Variants in TTC29 observed in about 807,000 individuals in gnomAD.
The protein encoded by TTC29 is tetratricopeptide repeat domain 29, also known as tetratricopeptide repeat protein 29.
Under a neutral mutation model 58.1 loss-of-function variants are expected in TTC29, and 49 were observed. The observed-to-expected ratio is 0.84, with a 90% CI of 0.67 to 1.07. The LOEUF is 1.07. Among genes scored for constraint, TTC29 ranks in the 50% least tolerant of loss-of-function variants. The pLI is 0.00. For missense variants in TTC29, 582 were observed against 555.6 expected (o/e 1.05, Z -0.48); for synonymous variants, 209 against 196.8 (o/e 1.06, Z -0.52).
At chr4:146,723,583 A>C (rs561190005) in intron 11 of TTC29, among the ~76,000 whole-genome samples, 1 of 152,336 alleles carries the variant, frequency 6.6e-6, no homozygotes, top group South Asian at 2.1e-4. Flanking sequence ...ATGAACAGAC[A>C]CTTCTCAAAA....
At chr4:146,897,463 C>T (rs1732843196) in intron 6 of TTC29, among the ~76,000 whole-genome samples, 1 of 152,230 alleles carries the variant, frequency 6.6e-6, no homozygotes, top group Non-Finnish European at 1.5e-5. Context: ...GTAAATCTTA[C>T]TATTTGTATG....
intron 11 of TTC29, among the ~76,000 whole-genome samples, chr4:146,787,889 T>C (rs1283540503): frequency 9.9e-6 from 1 of 101,522 alleles, no homozygotes; most frequent in Non-Finnish European, 1.8e-5. Flanking sequence ...CAGCTGCCAA[T>C]CTGCCCCCTT....
At chr4:146,871,847 A>T (rs1730951192) in intron 7 of TTC29, among the ~76,000 whole-genome samples, 1 of 152,046 alleles carries the variant, frequency 6.6e-6, no homozygotes, top group Admixed American at 6.6e-5. Context: ...TGACAGATTC[A>T]ATGCAATTCC....
Position 146,834,606 on chromosome 4 carries a change from C to T in TTC29, c.886-709G>A, listed in dbSNP as rs376281457. Among the ~76,000 whole-genome samples the T allele has an allele frequency of 1.5e-3, 222 of 152,268 alleles. 5 individuals carry two copies. In the South Asian group the frequency reaches 0.045, roughly 31 times the overall value. On this transcript the variant is annotated intron_variant, in intron 8 of 12. Coordinates refer to ENST00000325106, the MANE Select transcript of TTC29 (RefSeq NM_031956.4). The stretch of plus-strand genomic sequence containing the variant: ...ATTCTTCCTTTTTCCTTCATTATTA[C>T]TTGACCCAACCTATTACACACATGA...
At chr4:146,779,050 C>T (rs185905406) in intron 11 of TTC29, among the ~76,000 whole-genome samples, 90 of 125,630 alleles carry the variant, frequency 7.2e-4, no homozygotes, top group African/African-American at 2.5e-3. Context: ...ACGGGCTAGA[C>T]AACAACAGCT....
At chr4:146,938,553 T>C (rs1736064120) in intron 3 of TTC29, among the ~76,000 whole-genome samples, 1 of 152,142 alleles carries the variant, frequency 6.6e-6, no homozygotes, top group South Asian at 2.1e-4. Flanking sequence ...TATTTTACAT[T>C]ATTCAAAAGT....
At chr4:146,811,385 CTCTT>C (rs1387623677) in intron 10 of TTC29, among the ~76,000 whole-genome samples, 2 of 152,158 alleles carry the variant, frequency 1.3e-5, no homozygotes, top group African/African-American at 2.4e-5. Context: ...TCATGAAAAT[CTCTT>C]TCTAAGAGGA....
intron 6 of TTC29, among the ~76,000 whole-genome samples, chr4:146,892,555 T>C (rs993061456): frequency 6.6e-6 from 1 of 152,190 alleles, no homozygotes; most frequent in African/African-American, 2.4e-5. Context: ...GAGCTATCTA[T>C]GACAAACCCA....
chr4:146,932,498 A>G (rs532811286), intron 4 of TTC29, among the ~76,000 whole-genome samples: 1 of 152,322 alleles, frequency 6.6e-6, no homozygotes, highest in East Asian at 1.9e-4. Context: ...AACTTCCAAT[A>G]AAGAATTATG....
intron 11 of TTC29, among the ~76,000 whole-genome samples, chr4:146,782,431 A>T (rs1748690803): frequency 1.3e-5 from 2 of 151,972 alleles, no homozygotes; most frequent in Admixed American, 1.3e-4. Flanking sequence ...GAATAGCAAG[A>T]TAAAATGATT....
intron 11 of TTC29, among the ~76,000 whole-genome samples, chr4:146,753,284 A>C (rs894087886): frequency 1.3e-5 from 2 of 152,246 alleles, no homozygotes; most frequent in African/African-American, 4.8e-5. Context: ...TTATGCAGCC[A>C]AAAAACACAT....
chr4:146,748,888 C>T (rs962046608), intron 11 of TTC29, among the ~76,000 whole-genome samples: 1 of 152,130 alleles, frequency 6.6e-6, no homozygotes, highest in Non-Finnish European at 1.5e-5. Flanking sequence ...TAACTGACCC[C>T]CCCGCAAAAT....
intron 11 of TTC29, among the ~76,000 whole-genome samples, chr4:146,740,089 G>A (rs1315946820): frequency 2.0e-5 from 3 of 152,170 alleles, no homozygotes; most frequent in African/African-American, 4.8e-5. Context: ...ATGATTATGA[G>A]AAGCAGAGGC....
intron 11 of TTC29, among the ~76,000 whole-genome samples, chr4:146,766,618 C>T (rs557566374): frequency 3.3e-5 from 5 of 152,022 alleles, no homozygotes; most frequent in Admixed American, 6.6e-5. Flanking sequence ...CTATTAGTCT[C>T]ATTATTGCTA....
intron 11 of TTC29, among the ~76,000 whole-genome samples, chr4:146,802,252 G>A (rs2150117553): frequency 6.6e-6 from 1 of 152,226 alleles, no homozygotes; most frequent in African/African-American, 2.4e-5. Flanking sequence ...CAGAAAATAT[G>A]CGAACCTGAA....
intron 4 of TTC29, among the ~76,000 whole-genome samples, chr4:146,928,010 C>A (rs989212388): frequency 6.6e-6 from 1 of 152,128 alleles, no homozygotes; most frequent in South Asian, 2.1e-4. Flanking sequence ...AATGGCAATA[C>A]AGTGCTATAA....
intron 10 of TTC29, among the ~76,000 whole-genome samples, chr4:146,813,743 G>C (rs972545930): frequency 3.8e-4 from 58 of 152,196 alleles, no homozygotes; most frequent in African/African-American, 1.4e-3. Flanking sequence ...CAGCACTTTG[G>C]GAGGCCGAGG....
chr4:146,932,947 A>G (rs975610123), intron 4 of TTC29, among the ~76,000 whole-genome samples: 15 of 152,154 alleles, frequency 9.9e-5, no homozygotes, highest in African/African-American at 3.4e-4. Context: ...AGTCCCAGCT[A>G]CTTGGGAGGC....
At chr4:146,710,393 A>C (rs942242491) in intron 11 of TTC29, among the ~76,000 whole-genome samples, 1 of 152,204 alleles carries the variant, frequency 6.6e-6, no homozygotes, top group African/African-American at 2.4e-5. Context: ...TCACTAGTAC[A>C]TAGGAATCTT....
Sources: gnomAD v4.1 joint callset for allele counts (sites outside exome capture counted in the v4.1 genomes callset) on GRCh38, gnomAD v4.1.1 for gene constraint, MANE v1.5 for transcripts, NCBI Gene and HGNC (gene_info 2026-07-23, HGNC 2026-07-21) for gene names.